EEIG2: variants seen among roughly 807,000 people sequenced by gnomAD.
The protein encoded by EEIG2 is EEIG family member 2.
the EEIG2 span, among the ~76,000 whole-genome samples, chr1:108,634,326 G>GAAGTCCAGCC: frequency 7.9e-5 from 12 of 152,180 alleles, no homozygotes; most frequent in Admixed American, 7.9e-4. Context: ...AATCAACTGA[G>GAAGTCCAGCC]AAGTCCAGCC....
chr1:108,595,367 GGA>G, the EEIG2 span, among the ~76,000 whole-genome samples: 1 of 146,770 alleles, frequency 6.8e-6, no homozygotes, highest in Non-Finnish European at 1.5e-5. Context: ...TTTTACAGAG[GGA>G]GAGAGGGAAG....
the EEIG2 span, among the ~76,000 whole-genome samples, chr1:108,616,788 G>GA: frequency 1.5e-3 from 235 of 152,128 alleles, 4 homozygotes; most frequent in Non-Finnish European, 2.8e-4. Context: ...AAACAGCTGT[G>GA]AAAAAAATAG....
chr1:108,588,929 TAATATAGAA>T, the EEIG2 span, among the ~76,000 whole-genome samples: 27 of 152,276 alleles, frequency 1.8e-4, no homozygotes, highest in African/African-American at 6.5e-4. Flanking sequence ...AGACTTTTTG[TAATATAGAA>T]GATTATAAAC....
chr1:108,611,492 A>G, the EEIG2 span, among the ~76,000 whole-genome samples: 1 of 152,220 alleles, frequency 6.6e-6, no homozygotes, highest in African/African-American at 2.4e-5. Flanking sequence ...TGAGCTGAAC[A>G]TCTGACAGCA....
At chr1:108,630,153 A>G in the EEIG2 span, among the ~76,000 whole-genome samples, 1 of 152,148 alleles carries the variant, frequency 6.6e-6, no homozygotes, top group South Asian at 2.1e-4. Flanking sequence ...TAGTCTGATA[A>G]TTTAGGAAGA....
the EEIG2 span, among the ~76,000 whole-genome samples, chr1:108,633,435 G>A: frequency 1.3e-5 from 2 of 152,244 alleles, no homozygotes; most frequent in South Asian, 2.1e-4. Flanking sequence ...CTACAGGTGT[G>A]AGCCACCATG....
chr1:108,629,909 C>G, the EEIG2 span: 1 of 452,316 alleles, frequency 2.2e-6, no homozygotes, highest in Admixed American at 3.6e-5. Context: ...TAGTCAAGGA[C>G]CAGTAGACCA....
chr1:108,628,115 G>T, the EEIG2 span: 1 of 1,476,148 alleles, frequency 6.8e-7, no homozygotes, highest in South Asian at 1.1e-5. Flanking sequence ...AATACAAATT[G>T]ACCATTAACT....
chr1:108,622,652 A>T, the EEIG2 span, among the ~76,000 whole-genome samples: 1 of 152,216 alleles, frequency 6.6e-6, no homozygotes, highest in Non-Finnish European at 1.5e-5. Flanking sequence ...TACCTGTAGG[A>T]CAAATACTTG....
the EEIG2 span, among the ~76,000 whole-genome samples, chr1:108,588,621 C>CT: frequency 6.6e-6 from 1 of 151,790 alleles, no homozygotes; most frequent in Non-Finnish European, 1.5e-5. Flanking sequence ...ACCTCAGATA[C>CT]TTGATGTTTT....
the EEIG2 span, among the ~76,000 whole-genome samples, chr1:108,614,861 T>C: frequency 6.6e-6 from 1 of 152,366 alleles, no homozygotes; most frequent in Non-Finnish European, 1.5e-5. Context: ...TACTTAACTA[T>C]TCAGTTCCTT....
the EEIG2 span, among the ~76,000 whole-genome samples, chr1:108,621,471 G>T: frequency 6.6e-6 from 1 of 152,318 alleles, no homozygotes; most frequent in East Asian, 1.9e-4. Flanking sequence ...ATATTATCAA[G>T]GGTTGCAGTT....
chr1:108,635,124 T>G, the EEIG2 span: 1 of 1,614,172 alleles, frequency 6.2e-7, no homozygotes, highest in Non-Finnish European at 8.5e-7. Flanking sequence ...GTCTGGAGCT[T>G]ATGAACAAGT....
the EEIG2 span, among the ~76,000 whole-genome samples, chr1:108,615,544 G>GC: frequency 0.14 from 20,746 of 151,848 alleles, 2,055 homozygotes; most frequent in African/African-American, 0.28. Flanking sequence ...GGAGGCCAAG[G>GC]GGTAGGATCA....
chr1:108,586,774 C>T, the EEIG2 span, among the ~76,000 whole-genome samples: 2 of 152,064 alleles, frequency 1.3e-5, no homozygotes, highest in African/African-American at 4.8e-5. Flanking sequence ...CATAAGAAGC[C>T]ATAAATTTAT....
At chr1:108,594,114 A>G in the EEIG2 span, among the ~76,000 whole-genome samples, 1 of 152,084 alleles carries the variant, frequency 6.6e-6, no homozygotes, top group Non-Finnish European at 1.5e-5. Flanking sequence ...CAGCCTGAGG[A>G]CTTAGATTTT....
the EEIG2 span, among the ~76,000 whole-genome samples, chr1:108,603,589 A>C: frequency 3.3e-5 from 5 of 152,198 alleles, no homozygotes; most frequent in African/African-American, 9.6e-5. Context: ...TATTTCTTCA[A>C]GTTTTCATAC....
chr1:108,599,436 T>C, the EEIG2 span, among the ~76,000 whole-genome samples: 2 of 152,198 alleles, frequency 1.3e-5, no homozygotes, highest in Admixed American at 1.3e-4. Flanking sequence ...TCATCTGTTA[T>C]CTTTGTCTCT....
At chr1:108,597,099 A>G in the EEIG2 span, among the ~76,000 whole-genome samples, 4 of 152,246 alleles carry the variant, frequency 2.6e-5, no homozygotes, top group Admixed American at 2.0e-4. Context: ...GCCCATATTT[A>G]ACTATGAAGC....
Sources: allele counts gnomAD v4.1 joint callset (sites outside exome capture counted in the v4.1 genomes callset), GRCh38; gene constraint gnomAD v4.1.1; transcripts MANE v1.5; gene names NCBI Gene and HGNC (gene_info 2026-07-23, HGNC 2026-07-21).